Variants in EIF3M observed in about 807,000 individuals in gnomAD.
The protein encoded by EIF3M is eukaryotic translation initiation factor 3 subunit M.
Under a neutral mutation model 49.7 loss-of-function variants are expected in EIF3M, and 25 were observed. That is an observed-to-expected ratio of 0.50 (90% CI 0.37 to 0.70). EIF3M has a LOEUF of 0.70. Ranked by LOEUF, EIF3M falls within the 30% of genes least tolerant of loss-of-function variation. The pLI is 0.00. For synonymous variants in EIF3M, 156 were observed against 149.8 expected, an observed-to-expected ratio of 1.04 and a Z score of -0.30; for missense variants, 350 against 440.0, an observed-to-expected ratio of 0.80 and a Z score of 1.83.
At chr11:32,584,682 A>G (rs894328861) in intron 1 of EIF3M, among the ~76,000 whole-genome samples, 2 of 149,910 alleles carry the variant, frequency 1.3e-5, no homozygotes, top group African/African-American at 4.9e-5. Context: ...CCCGTATTTT[A>G]CACTTGCTTT....
chr11:32,592,502 C>G, intron 5 of EIF3M: 1 of 524,098 alleles, frequency 1.9e-6, no homozygotes, highest in Non-Finnish European at 3.7e-6. Flanking sequence ...AGAACTCTCT[C>G]TAGAAACAGC....
At chr11:32,601,381 C>T (rs1411191728) in intron 9 of EIF3M, 1 of 163,038 alleles carries the variant, frequency 6.1e-6, no homozygotes, top group African/African-American at 2.4e-5. Context: ...ATAAAAGGTA[C>T]AGAACTATTG....
intron 5 of EIF3M, chr11:32,591,896 G>T: frequency 3.8e-6 from 1 of 266,330 alleles, no homozygotes; most frequent in Admixed American, 3.8e-5. Context: ...ATTGTCCACT[G>T]TAATATCCAA....
chr11:32,589,639 G>A lies in EIF3M; in HGVS notation c.531G>A (p.Lys177=), dbSNP rs1010049438. Residue 177 remains lysine, a splice_region_variant and synonymous_variant, in exon 5 of 11, where the codon AAG becomes AAA. Transcript: ENST00000531120. ...ATGAGGCACTTGTGGATTGTAAGAA[G>A]AGGTATTCAAAAGTAATGAACTAAC... The part of the protein sequence containing the change: ...LLYEALVDCK[K]SDAASKVMVE... 6.2e-7 allele frequency: 1 copy of A among 1,613,644 alleles called. No homozygotes were observed. Among genetic ancestry groups the A allele is most frequent in the Non-Finnish European group, 8.5e-7 (1 of 1,179,766 alleles).
chr11:32,583,881 C>G lies in EIF3M; in HGVS notation c.-7C>G, dbSNP rs1854946122. On this transcript the variant is annotated 5_prime_UTR_variant, in exon 1 of 11. Transcript: ENST00000531120. Reference sequence around the variant, plus strand: ...AGTGGAGTGTCCGCTGTGCCCGGGCCTGCACCATGAGCGTCCCGGCCTTCA... The same window carrying G: ...AGTGGAGTGTCCGCTGTGCCCGGGCGTGCACCATGAGCGTCCCGGCCTTCA... The G allele has an allele frequency of 6.2e-7, 1 of 1,613,688 alleles. No homozygotes were observed. The highest frequency in any genetic ancestry group is 8.5e-7 in the Non-Finnish European group (1 of 1,179,800).
chr11:32,593,224 A>G (rs972436077), intron 5 of EIF3M, among the ~76,000 whole-genome samples: 1 of 152,252 alleles, frequency 6.6e-6, no homozygotes, highest in African/African-American at 2.4e-5. Context: ...AGTTTAAAGA[A>G]GTCATGAGGA....
At chr11:32,594,624 C>CT (rs1188067656) in intron 6 of EIF3M, 2 of 255,426 alleles carry the variant, frequency 7.8e-6, no homozygotes, top group Non-Finnish European at 1.5e-5. Flanking sequence ...AAGTGAAGCA[C>CT]TTAGTGTCTT....
chr11:32,601,692 G>C (rs1855268057), intron 9 of EIF3M, 70 bp from the exon 10 acceptor site: 1 of 1,448,466 alleles, frequency 6.9e-7, no homozygotes, highest in Non-Finnish European at 9.5e-7. Context: ...CTTGGTCACA[G>C]TTTTCATACC....
At chr11:32,591,925 C>A in intron 5 of EIF3M, 1 of 269,780 alleles carries the variant, frequency 3.7e-6, no homozygotes, top group South Asian at 4.6e-5. Context: ...TAGTTCCCAC[C>A]ACCACCGTAA....
At position 32,601,660 on chromosome 11, in the gene EIF3M, T is replaced by C. The variant is rs1255195883; in HGVS notation, c.944-102T>C. 4 of 1,062,214 alleles carry C rather than the reference T, an allele frequency of 3.8e-6. No homozygotes were observed. The East Asian group carries it at 1.0e-4, about 27-fold the overall frequency. The allele number at this position is 1,062,214 out of a possible 1,614,324, so 65.8% of individuals were successfully genotyped here. A position where few individuals can be genotyped will look rare whatever the true frequency, so the allele number is the denominator to read the frequency against. On this transcript the variant is annotated intron_variant, in intron 9 of 10. Transcript: ENST00000531120. Reference sequence around the variant, plus strand: ...AACAGTGTATAATGTTGGAAAACAGTATAAAGTTTTATTATGGCTTACTTG... The same window carrying C: ...AACAGTGTATAATGTTGGAAAACAGCATAAAGTTTTATTATGGCTTACTTG...
Position 32,593,951 on chromosome 11 carries a change from T to G in EIF3M, c.617+2T>G. ...CCAGGCTCGAGTTGATGCCCACAGG[T>G]AATGTTAAACGTTACTCTGATGAGG... On this transcript the variant is annotated splice_donor_variant, in intron 6 of 10. Transcript: ENST00000531120. LOFTEE classifies it high-confidence loss of function. 3 of 1,534,418 alleles carry G rather than the reference T, an allele frequency of 2.0e-6. No homozygotes were observed. Among genetic ancestry groups the G allele is most frequent in the Non-Finnish European group, 2.6e-6 (3 of 1,138,868 alleles).
intron 8 of EIF3M, among the ~76,000 whole-genome samples, chr11:32,599,695 AC>A (rs1175281375): frequency 6.6e-6 from 1 of 151,986 alleles, no homozygotes; most frequent in African/African-American, 2.4e-5. Flanking sequence ...TAGCATCAAA[AC>A]AAGTATATAT....
At chr11:32,589,416 T>G (rs2133195400) in intron 4 of EIF3M, 131 bp from the exon 5 acceptor site, 2 of 927,474 alleles carry the variant, frequency 2.2e-6, no homozygotes, top group Non-Finnish European at 3.2e-6. Flanking sequence ...CTTCAGTTGA[T>G]CCTCCTGCCT....
intron 10 of EIF3M, 116 bp from the exon 11 acceptor site, chr11:32,602,163 T>G: frequency 1.4e-6 from 2 of 1,387,864 alleles, no homozygotes; most frequent in Non-Finnish European, 2.0e-6. Flanking sequence ...TCTCTTACTA[T>G]TCTAAATTAG....
chr11:32,604,348 T>C lies in EIF3M; in HGVS notation c.*1949T>C, dbSNP rs972995388. The C allele has an allele frequency of 1.1e-4, 16 of 152,222 alleles. No homozygotes were observed. Among genetic ancestry groups the C allele is most frequent in the Admixed American group, 9.2e-4 (14 of 15,288 alleles). The allele number at this position is 152,222 out of a possible 1,614,324, so 9.4% of individuals were successfully genotyped here. A position where few individuals can be genotyped will look rare whatever the true frequency, so the allele number is the denominator to read the frequency against. ...GTCTCTCTTAACTCTTGGGCTCAAG[T>C]GATCTGACCATCTCGGTCTCCCAAA... is the stretch of plus-strand genomic sequence containing the variant. On this transcript the variant is annotated 3_prime_UTR_variant, in exon 11 of 11. Transcript: ENST00000531120.
In EIF3M at chr11:32,588,790, C is replaced by CTTTTAACCCT. The variant is rs749149691; in HGVS notation, c.314+64_314+65insCCCTTTTTAA. ...CTAGGTGCTTTTTTCATGTTACTAA[C>CTTTTAACCCT]TTTTAATGGTGCAGAGCAGGAATTC... On this transcript the variant is annotated intron_variant, in intron 3 of 10. Coordinates refer to ENST00000531120, the MANE Select transcript of EIF3M (RefSeq NM_006360.6). The CTTTTAACCCT allele has an allele frequency of 3.2e-4, 509 of 1,607,866 alleles. 3 individuals are homozygous for CTTTTAACCCT. Among genetic ancestry groups the CTTTTAACCCT allele is most frequent in the Admixed American group, 1.9e-3 (112 of 59,528 alleles).
rs1291024774 is a variant in EIF3M, at chr11:32,605,134, G to GAGC, written c.*2736_*2738dup. The GAGC allele has an allele frequency of 6.6e-6, 1 of 150,424 alleles. No homozygotes were observed. Among genetic ancestry groups the GAGC allele is most frequent in the Non-Finnish European group, 1.5e-5 (1 of 67,794 alleles). The allele number at this position is 150,424 out of a possible 1,614,324, so 9.3% of individuals were successfully genotyped here. A position where few individuals can be genotyped will look rare whatever the true frequency, so the allele number is the denominator to read the frequency against. On this transcript the variant is annotated 3_prime_UTR_variant, in exon 11 of 11. Coordinates refer to ENST00000531120, the MANE Select transcript of EIF3M (RefSeq NM_006360.6). ...CCCAAAGTGTTGGGATTACAGGCAT[G>GAGC]AGCCACCCTGCCCGACCTAGTAATA...
At chr11:32,592,532 C>T (rs1211743312) in intron 5 of EIF3M, 3 of 536,588 alleles carry the variant, frequency 5.6e-6, no homozygotes, top group Non-Finnish European at 7.2e-6. Flanking sequence ...TTCCATTGCA[C>T]TCCTCAGCCT....
chr11:32,588,712 C>T lies in EIF3M; in HGVS notation c.294C>T (p.Arg98=). The change falls in exon 3 of 11, where the codon CGC becomes CGT. Residue 98 remains arginine (R), a synonymous_variant. Transcript: ENST00000531120. ...EKLVKFREGE[R]PSLRLQLLSN... ...TGGTCAAATTTCGCGAAGGTGAACG[C>T]CCGTCTCTGAGACTGCAGTTGTAAG... The T allele has an allele frequency of 6.2e-7, 1 of 1,614,190 alleles. No individual in the cohort carries two copies. Among genetic ancestry groups the T allele is most frequent in the Non-Finnish European group, 8.5e-7 (1 of 1,180,032 alleles).
Sources: allele counts gnomAD v4.1 joint callset (sites outside exome capture counted in the v4.1 genomes callset), GRCh38; gene constraint gnomAD v4.1.1; transcripts MANE v1.5; gene names NCBI Gene and HGNC (gene_info 2026-07-23, HGNC 2026-07-21).